The following CPAMD8 variants were observed in gnomAD, a reference collection of about 807,000 sequenced individuals.
The protein encoded by CPAMD8 is C3 and PZP like alpha-2-macroglobulin domain containing 8.
A neutral mutation model predicts 224.7 loss-of-function variants in CPAMD8; 146 were observed. The ratio of observed to expected loss-of-function variants is 0.65; its 90% CI spans 0.57 to 0.75. The LOEUF is 0.75. Ranked by LOEUF, CPAMD8 falls within the 30% of genes least tolerant of loss-of-function variation. The probability of loss-of-function intolerance (pLI) is 0.00; values close to 1 mark genes in which losing one functional copy is unlikely to be tolerated. For synonymous variants in CPAMD8, 966 were observed against 1,044.6 expected (o/e 0.92, Z 1.45); for missense variants, 2,301 against 2,537.5 (o/e 0.91, Z 2.00).
chr19:16,983,838 C>T (rs190246120), intron 13 of CPAMD8, among the ~76,000 whole-genome samples: 125 of 152,158 alleles, frequency 8.2e-4, no homozygotes, highest in African/African-American at 2.8e-3. Context: ...ATCTCAATGG[C>T]CTTTTTTGCA....
intron 5 of CPAMD8, 107 bp downstream of exon 5, chr19:17,011,357 T>C (rs988894568): frequency 3.2e-6 from 4 of 1,248,694 alleles, no homozygotes; most frequent in Middle Eastern, 2.1e-4. Flanking sequence ...TGAAAGAAAA[T>C]AGAAAAGAGA....
At chr19:16,912,479 T>C (rs912282721) in intron 29 of CPAMD8, among the ~76,000 whole-genome samples, 3 of 152,208 alleles carry the variant, frequency 2.0e-5, no homozygotes, top group Admixed American at 6.5e-5. Context: ...CCAGGCATGG[T>C]GGCTTATGCC....
intron 20 of CPAMD8, among the ~76,000 whole-genome samples, chr19:16,947,785 T>A (rs556369834): frequency 6.6e-6 from 1 of 152,268 alleles, no homozygotes; most frequent in East Asian, 1.9e-4. Flanking sequence ...TGCATGCATG[T>A]ACACACATGT....
chr19:16,933,676 G>T (rs1306505189), intron 23 of CPAMD8, among the ~76,000 whole-genome samples: 1 of 152,162 alleles, frequency 6.6e-6, no homozygotes, highest in Admixed American at 6.5e-5. Flanking sequence ...AAAGTAAAAA[G>T]ACTAACAATA....
At chr19:16,961,590 T>G (rs1049372293) in intron 18 of CPAMD8, among the ~76,000 whole-genome samples, 6 of 152,250 alleles carry the variant, frequency 3.9e-5, no homozygotes, top group Admixed American at 6.5e-5. Context: ...GAGCAGGGCA[T>G]GGCTGAACAA....
In CPAMD8 at chr19:16,960,407, G is replaced by T. The variant is rs186087986; in HGVS notation, c.2214-2492C>A. Among the ~76,000 whole-genome samples the T allele has an allele frequency of 5.9e-5, 9 of 151,476 alleles. No individual in the cohort carries two copies. The South Asian group carries it at 1.9e-3, about 32-fold the overall frequency. Reference sequence around the variant, plus strand: ...CAAATCTCCATCATTAGGAGGACTGGAAAATCAAATGATAGTATATTCATT... The same window carrying T: ...CAAATCTCCATCATTAGGAGGACTGTAAAATCAAATGATAGTATATTCATT... On this transcript the variant is annotated intron_variant, in intron 18 of 41. Coordinates refer to ENST00000443236, the MANE Select transcript of CPAMD8 (RefSeq NM_015692.5).
At chr19:16,960,696 G>C (rs1237601711) in intron 18 of CPAMD8, among the ~76,000 whole-genome samples, 1 of 151,984 alleles carries the variant, frequency 6.6e-6, no homozygotes, top group East Asian at 1.9e-4. Flanking sequence ...GAGGTCAGGA[G>C]TTCAAGACCA....
At chr19:16,902,246 G>T (rs1221394148) in intron 35 of CPAMD8, among the ~76,000 whole-genome samples, 1 of 152,130 alleles carries the variant, frequency 6.6e-6, no homozygotes, top group Non-Finnish European at 1.5e-5. Flanking sequence ...GCTGGGCGAG[G>T]TGGCTCACAC....
In CPAMD8 at chr19:16,975,260, T is replaced by G. The variant is rs756761263; in HGVS notation, c.1909-2A>C. The G allele has an allele frequency of 1.3e-6, 2 of 1,599,744 alleles. No homozygotes were observed. The highest frequency in any genetic ancestry group is 8.5e-7 in the Non-Finnish European group (1 of 1,172,358). On this transcript the variant is annotated splice_acceptor_variant, in intron 16 of 41. Transcript: ENST00000443236. LOFTEE classifies it high-confidence loss of function. ...ATAATCTTCCAGTTCCTGGAAAACC[T>G]GCAGGCAAAGGGGGACAGAGACTTG...
At chr19:16,975,571 G>A (rs1240858731) in intron 16 of CPAMD8, among the ~76,000 whole-genome samples, 1 of 152,142 alleles carries the variant, frequency 6.6e-6, no homozygotes, top group Non-Finnish European at 1.5e-5. Context: ...AGCCAGGCGT[G>A]GTGGTGCATG....
At chr19:16,952,557 G>A (rs762076397) in intron 19 of CPAMD8, among the ~76,000 whole-genome samples, 8 of 152,094 alleles carry the variant, frequency 5.3e-5, no homozygotes, top group Non-Finnish European at 1.0e-4. Context: ...CATGCCTGTA[G>A]GCCCAGCTAC....
chr19:17,010,215 T>G (rs1438211432), intron 5 of CPAMD8, among the ~76,000 whole-genome samples: 3 of 151,726 alleles, frequency 2.0e-5, no homozygotes, highest in Non-Finnish European at 4.4e-5. Flanking sequence ...CAAAATTATT[T>G]TCCTCCTCTT....
chr19:17,014,815 A>C (rs2056768029), intron 3 of CPAMD8, among the ~76,000 whole-genome samples: 1 of 152,186 alleles, frequency 6.6e-6, no homozygotes, highest in Non-Finnish European at 1.5e-5. Flanking sequence ...GACACAACCA[A>C]ACCATATTAC....
chr19:16,950,792 C>G (rs950361643), intron 20 of CPAMD8, among the ~76,000 whole-genome samples: 141 of 89,710 alleles, frequency 1.6e-3, no homozygotes, highest in African/African-American at 9.4e-3. Flanking sequence ...GACCCTGTCT[C>G]GAAAAAAAAA....
chr19:16,901,176 C>A (rs1200554880), intron 36 of CPAMD8, 34 bp downstream of exon 36: 2 of 1,517,994 alleles, frequency 1.3e-6, no homozygotes. Context: ...GTTCAGAGAT[C>A]CCTGCCCACC....
Position 16,904,393 on chromosome 19 carries a change from T to C in CPAMD8, c.4115-31A>G, listed in dbSNP as rs755475582. 59 of 1,613,894 alleles carry C rather than the reference T, an allele frequency of 3.7e-5. 2 individuals carry two copies. The South Asian group carries it at 6.5e-4, about 18-fold the overall frequency. ...ATGGAAGAGGCCCACTGGGGACTTTTGACACAGGGACATGGACCCAGTGCA... is the reference window on the plus strand; with the variant it reads ...ATGGAAGAGGCCCACTGGGGACTTTCGACACAGGGACATGGACCCAGTGCA... On this transcript the variant is annotated intron_variant, in intron 31 of 41. Coordinates refer to ENST00000443236, the MANE Select transcript of CPAMD8 (RefSeq NM_015692.5).
rs527363595 is a variant in CPAMD8 at position 16,911,690 on chromosome 19, C to T, written c.3861+2734G>A. On this transcript the variant is annotated intron_variant, in intron 29 of 41. Coordinates refer to ENST00000443236, the MANE Select transcript of CPAMD8 (RefSeq NM_015692.5). ...CCTCCCGAGTAGCTGGGACTACAGG[C>T]GCCTGCCACCATGCCCGGCTAATTT... Among the ~76,000 whole-genome samples, 21 of 152,248 alleles carry T rather than the reference C, an allele frequency of 1.4e-4. 1 individual carries two copies. In the Middle Eastern group the frequency reaches 0.024, roughly 173 times the overall value.
intron 23 of CPAMD8, among the ~76,000 whole-genome samples, chr19:16,937,372 T>C (rs1226283093): frequency 6.6e-6 from 1 of 152,184 alleles, no homozygotes; most frequent in African/African-American, 2.4e-5. Context: ...TTGCCCAGGC[T>C]GTCCTGTGTT....
intron 29 of CPAMD8, among the ~76,000 whole-genome samples, chr19:16,911,143 G>A (rs543478690): frequency 8.5e-5 from 13 of 152,282 alleles, no homozygotes; most frequent in Admixed American, 1.3e-4. Flanking sequence ...GACTGGTACC[G>A]GTTGGTGGCC....
Sources: gnomAD v4.1 joint callset for allele counts (sites outside exome capture counted in the v4.1 genomes callset) on GRCh38, gnomAD v4.1.1 for gene constraint, MANE v1.5 for transcripts, NCBI Gene and HGNC (gene_info 2026-07-23, HGNC 2026-07-21) for gene names.